Variants in RHOU observed in about 807,000 individuals in gnomAD.
RHOU encodes rho-related GTP-binding protein RhoU.
Under a neutral mutation model 12.6 loss-of-function variants are expected in RHOU, and 8 were observed. That is an observed-to-expected ratio of 0.64 (90% CI 0.37 to 1.15). The LOEUF (loss-of-function observed/expected upper bound fraction) is 1.15, where lower values mean the gene tolerates loss of function less well. RHOU is among the 50% of genes most tolerant of loss of function. The pLI, the probability that RHOU is intolerant of heterozygous loss-of-function variation, is 0.01. For synonymous variants in RHOU, 161 were observed against 147.4 expected (o/e 1.09, Z -0.67); for missense variants, 258 against 347.0 (o/e 0.74, Z 2.04).
chr1:228,680,551 C>T, the RHOU span, among the ~76,000 whole-genome samples: 1 of 152,182 alleles, frequency 6.6e-6, no homozygotes, highest in Non-Finnish European at 1.5e-5. Context: ...GTCTGGCCAC[C>T]TCCTCTCTAT....
the RHOU span, among the ~76,000 whole-genome samples, chr1:228,707,498 C>T: frequency 6.6e-6 from 1 of 151,420 alleles, no homozygotes; most frequent in African/African-American, 2.4e-5. Flanking sequence ...GGGTCCCTGA[C>T]CCCTGACCCC....
At chr1:228,706,333 G>GC in the RHOU span, among the ~76,000 whole-genome samples, 9 of 152,218 alleles carry the variant, frequency 5.9e-5, no homozygotes, top group Admixed American at 1.3e-4. Context: ...GAATTGGGTT[G>GC]CCCCCTGAAC....
the RHOU span, among the ~76,000 whole-genome samples, chr1:228,683,546 G>C: frequency 1.3e-5 from 2 of 152,114 alleles, no homozygotes; most frequent in Admixed American, 1.3e-4. Context: ...AAATGTTTTT[G>C]AGTTCTTGAT....
At chr1:228,659,852 C>T in the RHOU span, among the ~76,000 whole-genome samples, 1 of 149,706 alleles carries the variant, frequency 6.7e-6, no homozygotes. Flanking sequence ...GGTGTGGTGG[C>T]AGGCGCCTGT....
chr1:228,732,083 C>T (rs146721588), upstream of RHOU, among the ~76,000 whole-genome samples: 117 of 152,180 alleles, frequency 7.7e-4, no homozygotes, highest in Middle Eastern at 0.014. Flanking sequence ...TTTGAGAGTC[C>T]ATGTTTTACA....
the RHOU span, among the ~76,000 whole-genome samples, chr1:228,696,134 ATAG>A: frequency 1.3e-5 from 2 of 152,162 alleles, no homozygotes; most frequent in Admixed American, 6.6e-5. Context: ...GAACAAACTA[ATAG>A]TAGTTTTGTT....
chr1:228,695,017 T>C, the RHOU span, among the ~76,000 whole-genome samples: 4 of 152,214 alleles, frequency 2.6e-5, no homozygotes, highest in South Asian at 8.3e-4. Flanking sequence ...TCATCCAGGC[T>C]GTAGTGCAGT....
At chr1:228,683,498 A>T in the RHOU span, among the ~76,000 whole-genome samples, 1 of 152,220 alleles carries the variant, frequency 6.6e-6, no homozygotes, top group Admixed American at 6.5e-5. Context: ...TGGAACAACA[A>T]ATTTTCCATT....
At chr1:228,714,689 T>C in the RHOU span, among the ~76,000 whole-genome samples, 1 of 151,578 alleles carries the variant, frequency 6.6e-6, no homozygotes, top group Non-Finnish European at 1.5e-5. Flanking sequence ...TTGAATTCCT[T>C]CTTCTTTTTT....
the RHOU span, among the ~76,000 whole-genome samples, chr1:228,706,717 T>C: frequency 5.3e-5 from 8 of 152,294 alleles, no homozygotes; most frequent in African/African-American, 1.9e-4. Flanking sequence ...TGTAAATGGG[T>C]TTTCTCTATC....
the RHOU span, among the ~76,000 whole-genome samples, chr1:228,658,145 T>G: frequency 6.6e-6 from 1 of 152,080 alleles, no homozygotes; most frequent in East Asian, 1.9e-4. Flanking sequence ...GTGGGCATGG[T>G]GGTGCAGGCC....
chr1:228,732,952 TAA>T (rs1290104641), upstream of RHOU, among the ~76,000 whole-genome samples: 3 of 152,190 alleles, frequency 2.0e-5, no homozygotes, highest in African/African-American at 7.2e-5. Context: ...ACAAAATACA[TAA>T]GACATGACAT....
the RHOU span, chr1:228,650,686 T>A: frequency 2.1e-6 from 1 of 486,008 alleles, no homozygotes; most frequent in Non-Finnish European, 4.0e-6. Flanking sequence ...GTGAGAGAGC[T>A]CTCATCAGCC....
the RHOU span, among the ~76,000 whole-genome samples, chr1:228,721,813 A>T: frequency 9.3e-4 from 142 of 152,172 alleles, no homozygotes; most frequent in Middle Eastern, 0.01. Context: ...GGCATGCACT[A>T]ATTTTGTATT....
the RHOU span, among the ~76,000 whole-genome samples, chr1:228,707,569 G>A: frequency 6.6e-6 from 1 of 151,764 alleles, no homozygotes; most frequent in East Asian, 1.9e-4. Flanking sequence ...ACACGGCCGG[G>A]TACTCCAGCA....
chr1:228,688,243 T>C, the RHOU span, among the ~76,000 whole-genome samples: 1 of 152,188 alleles, frequency 6.6e-6, no homozygotes, highest in East Asian at 1.9e-4. Flanking sequence ...TGCCTCCCAC[T>C]GCCTTTTGAA....
chr1:228,657,890 CT>C, the RHOU span, among the ~76,000 whole-genome samples: 1 of 152,010 alleles, frequency 6.6e-6, no homozygotes, highest in African/African-American at 2.4e-5. Context: ...ATAAACTGAC[CT>C]TTTTTCTTTT....
the RHOU span, among the ~76,000 whole-genome samples, chr1:228,665,277 T>C: frequency 6.6e-6 from 1 of 152,238 alleles, no homozygotes; most frequent in Non-Finnish European, 1.5e-5. Context: ...GGTACTATTA[T>C]TACCATTTCC....
chr1:228,740,785 C>T (rs192869338), intron 2 of RHOU, among the ~76,000 whole-genome samples: 25 of 152,270 alleles, frequency 1.6e-4, no homozygotes, highest in African/African-American at 6.0e-4. Flanking sequence ...GTGTGGGTTT[C>T]CCACAGAAGT....
Sources: allele counts gnomAD v4.1 joint callset (sites outside exome capture counted in the v4.1 genomes callset), GRCh38; gene constraint gnomAD v4.1.1; transcripts MANE v1.5; gene names NCBI Gene and HGNC (gene_info 2026-07-23, HGNC 2026-07-21).